Variants in TG observed in about 807,000 individuals in gnomAD.
TG encodes thyroid hormones.
A neutral mutation model predicts 324.7 loss-of-function variants in TG; 270 were observed. That is an observed-to-expected ratio of 0.83 (90% CI 0.75 to 0.92). TG has a LOEUF of 0.92. Ranked by LOEUF, TG falls within the 40% of genes least tolerant of loss-of-function variation. The probability of loss-of-function intolerance (pLI) is 0.00; values close to 1 mark genes in which losing one functional copy is unlikely to be tolerated. For missense variants in TG, 3,591 were observed against 3,456.4 expected, an observed-to-expected ratio of 1.04 and a Z score of -0.98; for synonymous variants, 1,401 against 1,327.0, an observed-to-expected ratio of 1.06 and a Z score of -1.21.
At position 132,923,422 on chromosome 8, in the gene TG, GT is replaced by G; in HGVS notation, c.4614del (p.Ser1538ArgfsTer29). On this transcript the variant is annotated frameshift_variant, in exon 22 of 48. Transcript: ENST00000220616. LOFTEE classifies it high-confidence loss of function. ...QYRASQKDRG[S>X]GKAFCVDGEG... is the part of the protein sequence containing the mutation. ...CGAGCCAGCCAGAAGGACAGGGGCA[GT>G]GGGAAGGCCTTCTGTGTGGACGGCG... The G allele has an allele frequency of 6.2e-7, 1 of 1,614,188 alleles. No homozygotes were observed. Among genetic ancestry groups the G allele is most frequent in the South Asian group, 1.1e-5 (1 of 91,086 alleles).
In TG at chr8:132,882,563, G is replaced by T; in HGVS notation, c.840G>T (p.Leu280=). 1 of 1,614,216 alleles carries T rather than the reference G, an allele frequency of 6.2e-7. No individual in the cohort carries two copies. The highest frequency in any genetic ancestry group is 1.1e-5 in the South Asian group (1 of 91,086). ...TFTETTLYRI[L]QRRFLAVQSV... ...CTGAAACCACCCTGTACCGGATACT[G>T]CAGAGACGGTTCCTCGCAGTTCAAT... is the stretch of plus-strand genomic sequence containing the variant. The change falls in exon 7 of 48, where the codon CTG becomes CTT. Residue 280 remains leucine (L), a synonymous_variant. Coordinates refer to ENST00000220616, the MANE Select transcript of TG (RefSeq NM_003235.5).
intron 43 of TG, among the ~76,000 whole-genome samples, chr8:133,103,493 C>T (rs2979025): frequency 0.67 from 101,250 of 152,056 alleles, 34,307 homozygotes; most frequent in Middle Eastern, 0.76. Flanking sequence ...ATCAGAAGGA[C>T]TGACTTGTCC....
intron 43 of TG, chr8:133,106,492 C>A: frequency 2.0e-6 from 2 of 981,902 alleles, no homozygotes; most frequent in Non-Finnish European, 2.4e-6. Context: ...GTGAGGCTCT[C>A]CCAGCCACCC....
At chr8:132,922,278 A>C (rs1047421648) in intron 21 of TG, among the ~76,000 whole-genome samples, 1 of 152,236 alleles carries the variant, frequency 6.6e-6, no homozygotes, top group Non-Finnish European at 1.5e-5. Context: ...TAGGAAGAAG[A>C]AACAGCTTGA....
At chr8:132,980,006 C>T (rs1296235592) in intron 34 of TG, among the ~76,000 whole-genome samples, 1 of 152,052 alleles carries the variant, frequency 6.6e-6, no homozygotes, top group African/African-American at 2.4e-5. Context: ...CTCAGGGAAA[C>T]ACTTACTAAT....
chr8:132,871,222 G>C (rs370193105), intron 3 of TG, 126 bp from the exon 4 acceptor site: 3 of 942,292 alleles, frequency 3.2e-6, no homozygotes, highest in Non-Finnish European at 5.1e-6. Context: ...CCATCACTGC[G>C]TGTCCTTGGG....
chr8:132,954,841 T>C (rs1826615544), intron 27 of TG, among the ~76,000 whole-genome samples: 1 of 152,184 alleles, frequency 6.6e-6, no homozygotes, highest in Non-Finnish European at 1.5e-5. Flanking sequence ...CAGCTTGGGT[T>C]TCCTTTATTC....
intron 41 of TG, among the ~76,000 whole-genome samples, chr8:133,066,586 A>T (rs1843073965): frequency 6.6e-6 from 1 of 152,200 alleles, no homozygotes; most frequent in Admixed American, 6.5e-5. Flanking sequence ...CAAGTGCCTG[A>T]ATTGCTTTTA....
At chr8:133,060,175 C>T in intron 41 of TG, 2 of 1,612,348 alleles carry the variant, frequency 1.2e-6, no homozygotes, top group Non-Finnish European at 1.7e-6. Context: ...TTCTTTTTCC[C>T]TGGGGCCGCT....
intron 41 of TG, among the ~76,000 whole-genome samples, chr8:133,053,346 T>C (rs1840781501): frequency 6.6e-6 from 1 of 152,200 alleles, no homozygotes; most frequent in Non-Finnish European, 1.5e-5. Flanking sequence ...GTGTCTTCTG[T>C]GTCTGTAGCC....
chr8:132,939,282 T>C (rs1037197044), intron 25 of TG, among the ~76,000 whole-genome samples: 4 of 152,132 alleles, frequency 2.6e-5, no homozygotes, highest in African/African-American at 7.2e-5. Flanking sequence ...TTAACTGACA[T>C]TGATTTTTAA....
At chr8:133,126,827 G>T (rs1436930181) in intron 45 of TG, among the ~76,000 whole-genome samples, 1 of 151,662 alleles carries the variant, frequency 6.6e-6, no homozygotes, top group Non-Finnish European at 1.5e-5. Flanking sequence ...CAAAACAAAA[G>T]CCTGGGAAGC....
chr8:132,886,610 A>C lies in TG; in HGVS notation c.1238A>C (p.Lys413Thr). ...RFATSCPPTI[K>T]ELFVDSGLLR... ...GCCACATCCTGCCCACCCACGATCA[A>C]GGAGCTCTTTGTGGACTCTGGGCTT... is the stretch of plus-strand genomic sequence containing the variant. Residue 413 changes from lysine to threonine, a missense_variant, in exon 9 of 48, where the codon AAG (lysine) becomes ACG (threonine). By Grantham distance (78) the Lys-to-Thr change is moderately conservative. Coordinates refer to ENST00000220616, the MANE Select transcript of TG (RefSeq NM_003235.5). 1 of 1,614,188 alleles carries C rather than the reference A, an allele frequency of 6.2e-7. No individual in the cohort carries two copies. Among genetic ancestry groups the C allele is most frequent in the African/African-American group, 1.3e-5 (1 of 75,042 alleles).
At chr8:133,126,639 A>G (rs1164080249) in intron 45 of TG, among the ~76,000 whole-genome samples, 3 of 152,176 alleles carry the variant, frequency 2.0e-5, no homozygotes, top group South Asian at 2.1e-4. Context: ...TGCATAGCAA[A>G]TTCTCTTGTA....
chr8:132,967,997 A>T (rs1262112987), intron 31 of TG, 27 bp downstream of exon 31: 2 of 1,610,868 alleles, frequency 1.2e-6, no homozygotes, highest in East Asian at 4.5e-5. Flanking sequence ...ATCTGCATAA[A>T]CTGTATTTCC....
chr8:132,903,759 G>A (rs987005785), intron 16 of TG, among the ~76,000 whole-genome samples: 5 of 152,178 alleles, frequency 3.3e-5, no homozygotes, highest in African/African-American at 1.2e-4. Flanking sequence ...CAGACAGACA[G>A]GCTTGAATGG....
At chr8:133,070,638 C>T (rs1405392423) in intron 41 of TG, among the ~76,000 whole-genome samples, 2 of 152,226 alleles carry the variant, frequency 1.3e-5, no homozygotes, top group Non-Finnish European at 1.5e-5. Context: ...TGGGTCTAGC[C>T]TGTAAATCCT....
chr8:133,049,734 G>A (rs887579947), intron 41 of TG: 4 of 615,874 alleles, frequency 6.5e-6, no homozygotes, highest in Non-Finnish European at 8.8e-6. Flanking sequence ...GAAGAGATAA[G>A]TTAGCCCAAG....
chr8:132,875,496 C>T (rs1412766422), intron 5 of TG, among the ~76,000 whole-genome samples: 3 of 152,162 alleles, frequency 2.0e-5, no homozygotes, highest in African/African-American at 7.2e-5. Flanking sequence ...CTTTTAGTAT[C>T]CCACATAAAT....
Sources: gnomAD v4.1 joint callset for allele counts (sites outside exome capture counted in the v4.1 genomes callset) on GRCh38, gnomAD v4.1.1 for gene constraint, MANE v1.5 for transcripts, NCBI Gene and HGNC (gene_info 2026-07-23, HGNC 2026-07-21) for gene names.